Variants in ADAMTS10 observed in about 807,000 individuals in gnomAD.
ADAMTS10 encodes the protein ADAM metallopeptidase with thrombospondin type 1 motif 10.
A neutral mutation model predicts 135.9 loss-of-function variants in ADAMTS10; 48 were observed. The ratio of observed to expected loss-of-function variants is 0.35; its 90% CI spans 0.28 to 0.45. The LOEUF is 0.45. ADAMTS10 is among the 20% of genes least tolerant of loss of function. ADAMTS10 has a pLI of 1.00. For missense variants in ADAMTS10, 1,131 were observed against 1,565.2 expected (o/e 0.72, Z 4.68); for synonymous variants, 621 against 647.5 (o/e 0.96, Z 0.62).
rs1555735677 is a variant in ADAMTS10, at chr19:8,580,985, T to C, written c.3220A>G (p.Lys1074Glu). ...DGPEECKDVNKVAYCPLVLKF... is the reference protein window; with the variant it reads ...DGPEECKDVNEVAYCPLVLKF... ...AGCACCAGGGGGCAGTAGGCGACCT[T>C]GTTCACATCCTTGCACTCTGCGGGG... Residue 1074 changes from lysine to glutamate, a missense_variant, in exon 26 of 26, where the codon AAG becomes GAG. Around this residue, in one of 3 missense-constraint regions of ADAMTS10, gnomAD observed 745 missense variants for 1,056.3 expected, o/e 0.71. Coordinates refer to ENST00000597188, the MANE Select transcript of ADAMTS10 (RefSeq NM_030957.4). The C allele has an allele frequency of 4.3e-6, 7 of 1,613,546 alleles. No homozygotes were observed. The highest frequency in any genetic ancestry group is 3.3e-5 in the Admixed American group (2 of 59,962).
chr19:8,586,538 GC>G lies in ADAMTS10; in HGVS notation c.2403+19del. Reference sequence around the variant, plus strand: ...TCTCTAATTCCAAAGGCTGCACCTTGCCCCCAGTCTCCCTGTTACCATGACG... The same window carrying G: ...TCTCTAATTCCAAAGGCTGCACCTTGCCCCAGTCTCCCTGTTACCATGACG... On this transcript the variant is annotated intron_variant, in intron 20 of 25. Coordinates refer to ENST00000597188, the MANE Select transcript of ADAMTS10 (RefSeq NM_030957.4). 6.2e-7 allele frequency: 1 copy of G among 1,613,138 alleles called. No individual in the cohort carries two copies. The highest frequency in any genetic ancestry group is 1.1e-5 in the South Asian group (1 of 91,088).
In ADAMTS10 at chr19:8,596,646, C is replaced by T; in HGVS notation, c.1041-61G>A. 6.3e-7 allele frequency: 1 copy of T among 1,587,850 alleles called. No individual in the cohort carries two copies. The highest frequency in any genetic ancestry group is 1.1e-5 in the South Asian group (1 of 88,866). Reference sequence around the variant, plus strand: ...CTGTCTCCCTAAGCCCTGCTGATGCCACCATGCCCAGCTCTGGGGGTTGAG... The same window carrying T: ...CTGTCTCCCTAAGCCCTGCTGATGCTACCATGCCCAGCTCTGGGGGTTGAG... On this transcript the variant is annotated intron_variant, in intron 8 of 25. Coordinates refer to ENST00000597188, the MANE Select transcript of ADAMTS10 (RefSeq NM_030957.4). This position sits in a 1 kb window ranked among gnomAD's most constrained non-coding sequence, Gnocchi z 7.2.
intron 21 of ADAMTS10, 26 bp downstream of exon 21, chr19:8,586,318 G>C (rs372601064): frequency 4.8e-4 from 782 of 1,613,274 alleles, no homozygotes; most frequent in Non-Finnish European, 6.4e-4. Context: ...CAGGTATCTT[G>C]TGCCTTCCCC....
chr19:8,609,560 C>T (rs1215098840), intron 1 of ADAMTS10, among the ~76,000 whole-genome samples: 17 of 152,114 alleles, frequency 1.1e-4, no homozygotes, highest in Admixed American at 1.1e-3. Context: ...GGCTGCACAT[C>T]TGGCCGGGCC....
In ADAMTS10 at chr19:8,605,905, T is replaced by C; in HGVS notation, c.-99-96A>G. ...ATGGCCAAAGCTTTTCACCTGACTCTGAAGATTCTGAATGCATTTTCTCAC... is the reference window on the plus strand; with the variant it reads ...ATGGCCAAAGCTTTTCACCTGACTCCGAAGATTCTGAATGCATTTTCTCAC... On this transcript the variant is annotated intron_variant, in intron 2 of 25. Transcript: ENST00000597188. The surrounding 1 kb of genome is among the most constrained non-coding windows in gnomAD (Gnocchi z 7.7). The C allele has an allele frequency of 2.5e-6, 3 of 1,182,142 alleles. No homozygotes were observed. The highest frequency in any genetic ancestry group is 1.6e-5 in the South Asian group (1 of 62,184). The allele number at this position is 1,182,142 out of a possible 1,614,324, so 73.2% of individuals were successfully genotyped here. A position where few individuals can be genotyped will look rare whatever the true frequency, so the allele number is the denominator to read the frequency against.
intron 13 of ADAMTS10, 50 bp downstream of exon 13, chr19:8,592,713 G>A (rs1280881884): frequency 6.4e-7 from 1 of 1,553,288 alleles, no homozygotes; most frequent in Non-Finnish European, 8.7e-7. Context: ...GCCAACGCGG[G>A]AGGTGGCTCA....
rs569130025 is a variant in ADAMTS10 at position 8,591,060 on chromosome 19, G to A, written c.1797+740C>T. Among the ~76,000 whole-genome samples, 3 of 152,278 alleles carry A rather than the reference G, an allele frequency of 2.0e-5. No individual in the cohort carries two copies. In the East Asian group the frequency reaches 5.8e-4, roughly 29 times the overall value. On this transcript the variant is annotated intron_variant, in intron 15 of 25. Coordinates refer to ENST00000597188, the MANE Select transcript of ADAMTS10 (RefSeq NM_030957.4). ...CCCCCTCCCCAGTAAACTTCTCACT[G>A]CTCACTGATGGTTGCAGGTCAGCTG...
At chr19:8,599,938 G>T (rs12611233) in intron 6 of ADAMTS10, among the ~76,000 whole-genome samples, 1 of 151,432 alleles carries the variant, frequency 6.6e-6, no homozygotes. Context: ...TGGTTCAAGC[G>T]ATTCTCCTGC....
chr19:8,594,463 G>A (rs573940652), intron 12 of ADAMTS10, among the ~76,000 whole-genome samples: 1 of 152,214 alleles, frequency 6.6e-6, no homozygotes, highest in East Asian at 1.9e-4. Flanking sequence ...TTGCCAAGAT[G>A]GCCTGAAAGA....
In ADAMTS10 at chr19:8,585,270, C is replaced by T. The variant is rs1555736677; in HGVS notation, c.2904G>A (p.Val968=). 6.6e-7 allele frequency: 1 copy of T among 1,506,878 alleles called. No individual in the cohort carries two copies. The highest frequency in any genetic ancestry group is 1.2e-5 in the South Asian group (1 of 81,040). The allele number at this position is 1,506,878 out of a possible 1,614,324, so 93.3% of individuals were successfully genotyped here. A position where few individuals can be genotyped will look rare whatever the true frequency, so the allele number is the denominator to read the frequency against. ...GGTGGTCTGCGCTCTTGCAAAGGAC[C>T]ACGCGGTGGCGGAGGCCCGGCCCGC... ...PSCGPGLRHR[V]VLCKSADHRA... Residue 968 remains valine, a synonymous_variant, in exon 24 of 26, where the codon GTG becomes GTA. Transcript: ENST00000597188.
intron 15 of ADAMTS10, among the ~76,000 whole-genome samples, chr19:8,590,502 T>C (rs2042508915): frequency 6.6e-6 from 1 of 151,878 alleles, no homozygotes; most frequent in Non-Finnish European, 1.5e-5. Flanking sequence ...CTCGTTGCCC[T>C]AGTTGGAGTG....
chr19:8,597,297 G>A lies in ADAMTS10; in HGVS notation c.831C>T (p.Asp277=). 6.2e-7 allele frequency: 1 copy of A among 1,614,034 alleles called. No homozygotes were observed. Among genetic ancestry groups the A allele is most frequent in the Non-Finnish European group, 8.5e-7 (1 of 1,180,002 alleles). ...IMNIVAKLFQ[D]SSLGSTVNIL... is the part of the protein sequence containing the mutation. The stretch of plus-strand genomic sequence containing the variant: ...TGTTAACGGTGCTTCCCAGACTCGA[G>A]TCCTGGAAAAGTTTGGCAACCTGAC... Residue 277 remains aspartate, a synonymous_variant, in exon 7 of 26, where the codon GAC becomes GAT. Coordinates refer to ENST00000597188, the MANE Select transcript of ADAMTS10 (RefSeq NM_030957.4).
Position 8,580,868 on chromosome 19 carries a change from T to C in ADAMTS10, c.*25A>G, listed in dbSNP as rs1555735616. 2.6e-6 allele frequency: 4 copies of C among 1,564,650 alleles called. No individual in the cohort carries two copies. ...GGCTGGCGGCGGAGACCCCGCCAGC[T>C]GTGGCTCCGGGTGCCGCGCGCCCCC... On this transcript the variant is annotated 3_prime_UTR_variant, in exon 26 of 26. Coordinates refer to ENST00000597188, the MANE Select transcript of ADAMTS10 (RefSeq NM_030957.4).
Position 8,585,135 on chromosome 19 carries a change from A to C in ADAMTS10, c.3039T>G (p.Gly1013=). 7.0e-7 allele frequency: 1 copy of C among 1,420,156 alleles called. No homozygotes were observed. The highest frequency in any genetic ancestry group is 9.1e-7 in the Non-Finnish European group (1 of 1,093,356). The allele number at this position is 1,420,156 out of a possible 1,614,324, so 88.0% of individuals were successfully genotyped here. ...PPARWVAGEW[G]ECSAQCGVGQ... is the part of the protein sequence containing the mutation. Reference sequence around the variant, plus strand: ...CCTCTGGGGCGCGCCCTCCTACCTCACCCCACTCGCCAGCCACCCAGCGGG... The same window carrying C: ...CCTCTGGGGCGCGCCCTCCTACCTCCCCCCACTCGCCAGCCACCCAGCGGG... Residue 1013 remains glycine (G), a synonymous_variant, in exon 24 of 26, where the codon GGT becomes GGG. Coordinates refer to ENST00000597188, the MANE Select transcript of ADAMTS10 (RefSeq NM_030957.4).
intron 1 of ADAMTS10, among the ~76,000 whole-genome samples, chr19:8,609,670 A>T (rs2042760009): frequency 6.6e-6 from 1 of 152,054 alleles, no homozygotes; most frequent in African/African-American, 2.4e-5. Context: ...ACCGGCCGCT[A>T]ATTAAAGGCC....
chr19:8,603,357 C>G (rs2042686692), intron 5 of ADAMTS10, among the ~76,000 whole-genome samples: 2 of 152,180 alleles, frequency 1.3e-5, no homozygotes, highest in Non-Finnish European at 2.9e-5. Context: ...TCACTGCAAC[C>G]TCTGCCTCCC....
Position 8,580,818 on chromosome 19 carries a change from G to A in ADAMTS10, c.*75C>T, listed in dbSNP as rs1600087271. The stretch of plus-strand genomic sequence containing the variant: ...CCCTCCCAGTTCCCGCCCCCCCGGG[G>A]CCCCCTCTGGCCGGCCCGCTGCAGG... On this transcript the variant is annotated 3_prime_UTR_variant, in exon 26 of 26. Transcript: ENST00000597188. The A allele has an allele frequency of 1.6e-6, 2 of 1,247,412 alleles. No homozygotes were observed. Among genetic ancestry groups the A allele is most frequent in the Middle Eastern group, 4.9e-4 (2 of 4,064 alleles). 77.3% of individuals were successfully genotyped at this position (1,247,412 alleles called of 1,614,324 possible).
In ADAMTS10 at chr19:8,585,277, TGG is replaced by T; in HGVS notation, c.2895_2896del (p.His966ProfsTer48). On this transcript the variant is annotated frameshift_variant, in exon 24 of 26. Transcript: ENST00000597188. LOFTEE classifies it high-confidence loss of function. ...TGCGCTCTTGCAAAGGACCACGCGG[TGG>T]CGGAGGCCCGGCCCGCAGCTGGGGG... is the stretch of plus-strand genomic sequence containing the variant. 6.6e-7 allele frequency: 1 copy of T among 1,513,732 alleles called. No homozygotes were observed. Among genetic ancestry groups the T allele is most frequent in the Non-Finnish European group, 8.8e-7 (1 of 1,130,194 alleles). 93.8% of individuals were successfully genotyped at this position (1,513,732 alleles called of 1,614,324 possible). A position where few individuals can be genotyped will look rare whatever the true frequency, so the allele number is the denominator to read the frequency against.
Position 8,589,546 on chromosome 19 carries a change from C to T in ADAMTS10, c.1940G>A (p.Gly647Asp). 1.2e-6 allele frequency: 2 copies of T among 1,613,478 alleles called. No individual in the cohort carries two copies. The highest frequency in any genetic ancestry group is 1.3e-5 in the African/African-American group (1 of 75,032). ...KACSLTCLAE[G>D]FNFYTERAAA... ...CGCCCTCTCCGTGTAGAAGTTGAAGCCTTCCGCTAGGCACGTGAGCGAGCA... is the reference window on the plus strand; with the variant it reads ...CGCCCTCTCCGTGTAGAAGTTGAAGTCTTCCGCTAGGCACGTGAGCGAGCA... The change falls in exon 17 of 26, where the codon GGC (glycine) becomes GAC (aspartate). Residue 647 changes from glycine (G) to aspartate (D), a missense_variant. Physicochemically the swap from Gly to Asp is moderately conservative, Grantham distance 94 (BLOSUM62 -1). Transcript: ENST00000597188.
Sources: allele counts gnomAD v4.1 joint callset (sites outside exome capture counted in the v4.1 genomes callset), GRCh38; gene constraint gnomAD v4.1.1; regional missense constraint gnomAD v4.1.1; non-coding constraint Gnocchi (gnomAD v3.1); transcripts MANE v1.5; gene names NCBI Gene and HGNC (gene_info 2026-07-23, HGNC 2026-07-21).